The following SUSD6 variants were observed in gnomAD, a reference collection of about 807,000 sequenced individuals.
SUSD6 encodes sushi domain containing 6, also known as sushi domain-containing protein 6.
In SUSD6, 16 loss-of-function variants were observed where a neutral mutation model predicts 28.4. The ratio of observed to expected loss-of-function variants is 0.56; its 90% CI spans 0.38 to 0.86. The LOEUF (loss-of-function observed/expected upper bound fraction) is 0.86, where lower values mean the gene tolerates loss of function less well. Ranked by LOEUF, SUSD6 falls within the 40% of genes least tolerant of loss-of-function variation. The pLI is 0.00. For missense variants in SUSD6, 341 were observed against 384.2 expected (o/e 0.89, Z 0.94); for synonymous variants, 147 against 159.6 (o/e 0.92, Z 0.59).
chr14:69,690,194 G>A (rs935785180), intron 2 of SUSD6, among the ~76,000 whole-genome samples: 2 of 152,222 alleles, frequency 1.3e-5, no homozygotes, highest in African/African-American at 4.8e-5. Context: ...AAGAGGCCAT[G>A]ACAGGTGACA....
chr14:69,643,332 A>G (rs574115122), intron 1 of SUSD6, among the ~76,000 whole-genome samples: 1 of 152,286 alleles, frequency 6.6e-6, no homozygotes. Context: ...GACAAATCTT[A>G]TGGTAATTCA....
rs1339331726 is a variant in SUSD6, at chr14:69,647,292, G to A, written c.-80-11221G>A. On this transcript the variant is annotated intron_variant, in intron 1 of 5. Transcript: ENST00000342745. Reference sequence around the variant, plus strand: ...TTGTTGGAAGGATTAGTCATTATTAGAAAGGGGTGGATTGGTCACTCTGCT... The same window carrying A: ...TTGTTGGAAGGATTAGTCATTATTAAAAAGGGGTGGATTGGTCACTCTGCT... 1.5e-4 allele frequency among the ~76,000 whole-genome samples: 23 copies of A among 152,138 alleles called. 1 individual carries two copies. The highest frequency in any genetic ancestry group is 1.2e-3 in the Admixed American group (19 of 15,280).
At position 69,705,542 on chromosome 14, in the gene SUSD6, C is replaced by T. The variant is rs559895376; in HGVS notation, c.458+800C>T. 5.4e-4 allele frequency among the ~76,000 whole-genome samples: 82 copies of T among 152,168 alleles called. 1 individual carries two copies. Among genetic ancestry groups the T allele is most frequent in the Admixed American group, 5.4e-3 (82 of 15,282 alleles). The stretch of plus-strand genomic sequence containing the variant: ...CTTAAGTTTGTGAGCCACTATCCTG[C>T]ACTCCTGGTTCCCAGTCCCGGCTGC... On this transcript the variant is annotated intron_variant, in intron 4 of 5. Transcript: ENST00000342745.
rs1168428789 is a variant in SUSD6, at chr14:69,677,439, T to C, written c.121+18726T>C. Among the ~76,000 whole-genome samples the C allele has an allele frequency of 4.6e-5, 7 of 151,038 alleles. No individual in the cohort carries two copies. The South Asian group carries it at 6.3e-4, about 14-fold the overall frequency. ...GTGGACGCCTGTAGTCCCAGCTACT[T>C]GGGAGGCTGAGGCAGGAGAATGGCA... On this transcript the variant is annotated intron_variant, in intron 2 of 5. Coordinates refer to ENST00000342745, the MANE Select transcript of SUSD6 (RefSeq NM_014734.4).
intron 2 of SUSD6, among the ~76,000 whole-genome samples, chr14:69,694,107 G>A (rs1886190361): frequency 6.6e-6 from 1 of 152,134 alleles, no homozygotes; most frequent in Non-Finnish European, 1.5e-5. Context: ...AAAATGAGCA[G>A]AACAAGTCTC....
At chr14:69,710,876 T>G in intron 5 of SUSD6, 78 bp from the exon 6 acceptor site, 1 of 1,368,460 alleles carries the variant, frequency 7.3e-7, no homozygotes, top group Non-Finnish European at 1.0e-6. Context: ...GGATAGCCCC[T>G]AAGTTGCAGT....
intron 1 of SUSD6, among the ~76,000 whole-genome samples, chr14:69,645,363 G>C (rs1462691489): frequency 2.0e-5 from 3 of 152,198 alleles, no homozygotes; most frequent in Non-Finnish European, 4.4e-5. Context: ...TCACCTCTTT[G>C]GCCCTGCCAC....
intron 1 of SUSD6, among the ~76,000 whole-genome samples, chr14:69,650,485 TCTG>T (rs1885487910): frequency 6.6e-6 from 1 of 152,210 alleles, no homozygotes; most frequent in Admixed American, 6.5e-5. Flanking sequence ...GTTCAAGTGT[TCTG>T]TTTTACTGAT....
At chr14:69,613,540 G>C (rs143507113) in intron 1 of SUSD6, among the ~76,000 whole-genome samples, 8 of 152,240 alleles carry the variant, frequency 5.3e-5, no homozygotes, top group African/African-American at 1.9e-4. Flanking sequence ...AAGTAGTTAT[G>C]TGATACCGAA....
At chr14:69,681,672 G>T (rs765431378) in intron 2 of SUSD6, among the ~76,000 whole-genome samples, 1 of 152,186 alleles carries the variant, frequency 6.6e-6, no homozygotes, top group Non-Finnish European at 1.5e-5. Flanking sequence ...TACTTCTTGA[G>T]AATGGTCGCT....
intron 3 of SUSD6, 79 bp downstream of exon 3, chr14:69,703,671 C>T (rs1187805638): frequency 7.5e-7 from 1 of 1,333,712 alleles, no homozygotes; most frequent in African/African-American, 1.4e-5. Context: ...CATGCTTCCT[C>T]CAGAGCACTC....
At chr14:69,685,242 C>G (rs972821617) in intron 2 of SUSD6, among the ~76,000 whole-genome samples, 44 of 152,254 alleles carry the variant, frequency 2.9e-4, no homozygotes, top group African/African-American at 1.1e-3. Context: ...TGGACTAGCC[C>G]TAAAGGACAT....
intron 1 of SUSD6, among the ~76,000 whole-genome samples, chr14:69,651,021 T>C (rs567698200): frequency 6.6e-6 from 1 of 152,284 alleles, no homozygotes; most frequent in South Asian, 2.1e-4. Context: ...ACTTACTTTT[T>C]AGAGGAAATA....
intron 2 of SUSD6, among the ~76,000 whole-genome samples, chr14:69,675,307 C>G (rs1391075635): frequency 1.3e-5 from 2 of 152,142 alleles, no homozygotes; most frequent in East Asian, 3.9e-4. Flanking sequence ...TATATGCAAG[C>G]TTTTCATTAC....
At chr14:69,660,697 A>G (rs1332332372) in intron 2 of SUSD6, among the ~76,000 whole-genome samples, 1 of 152,246 alleles carries the variant, frequency 6.6e-6, no homozygotes, top group East Asian at 1.9e-4. Context: ...AGAACCTTCC[A>G]GTTAACTGTT....
At chr14:69,665,518 G>A (rs1357496842) in intron 2 of SUSD6, among the ~76,000 whole-genome samples, 2 of 152,180 alleles carry the variant, frequency 1.3e-5, no homozygotes, top group Middle Eastern at 3.2e-3. Flanking sequence ...CTCCCAAAGT[G>A]CTGGGATTAC....
chr14:69,654,897 C>T (rs895081822), intron 1 of SUSD6, among the ~76,000 whole-genome samples: 4 of 148,092 alleles, frequency 2.7e-5, no homozygotes, highest in East Asian at 4.1e-4. Flanking sequence ...TGGGTTCAAG[C>T]GATTCTCCTG....
Position 69,617,406 on chromosome 14 carries a change from A to C in SUSD6, c.-81+5578A>C, listed in dbSNP as rs539672375. ...AGTGTTTTAGTAAACTCTTGATCCT[A>C]CTGTGGTGTTGCGGATATTGCCCTG... On this transcript the variant is annotated intron_variant, in intron 1 of 5. Coordinates refer to ENST00000342745, the MANE Select transcript of SUSD6 (RefSeq NM_014734.4). 5.9e-5 allele frequency: 9 copies of C among 152,310 alleles called. No individual in the cohort carries two copies. The East Asian group carries it at 1.7e-3, about 29-fold the overall frequency. The allele number at this position is 152,310 out of a possible 1,614,324, so 9.4% of individuals were successfully genotyped here. A position where few individuals can be genotyped will look rare whatever the true frequency, so the allele number is the denominator to read the frequency against.
chr14:69,689,312 A>G (rs1594718826), intron 2 of SUSD6, among the ~76,000 whole-genome samples: 1 of 152,122 alleles, frequency 6.6e-6, no homozygotes, highest in Non-Finnish European at 1.5e-5. Flanking sequence ...CCACCTGCCT[A>G]CCTTCACCTG....
Sources: gnomAD v4.1 joint callset for allele counts (sites outside exome capture counted in the v4.1 genomes callset) on GRCh38, gnomAD v4.1.1 for gene constraint, MANE v1.5 for transcripts, NCBI Gene and HGNC (gene_info 2026-07-23, HGNC 2026-07-21) for gene names.